The following MARCHF1 variants were observed in gnomAD, a reference collection of about 807,000 sequenced individuals.
MARCHF1 encodes membrane associated ring-CH-type finger 1.
MARCHF1 carries 40 observed loss-of-function variants against 54.2 expected under a neutral mutation model. The ratio of observed to expected loss-of-function variants is 0.74; its 90% confidence interval spans 0.57 to 0.96. MARCHF1 has a LOEUF of 0.96. Ranked by LOEUF, MARCHF1 falls within the 40% of genes least tolerant of loss-of-function variation. The probability of loss-of-function intolerance (pLI) is 0.00; values close to 1 mark genes in which losing one functional copy is unlikely to be tolerated. For synonymous variants in MARCHF1, 236 were observed against 236.3 expected, an observed-to-expected ratio of 1.00 and a Z score of 0.01; for missense variants, 586 against 656.5, an observed-to-expected ratio of 0.89 and a Z score of 1.17.
intron 1 of MARCHF1, among the ~76,000 whole-genome samples, chr4:164,193,377 C>T (rs993075544): frequency 3.3e-5 from 5 of 151,880 alleles, no homozygotes; most frequent in African/African-American, 7.3e-5. Flanking sequence ...TCTCAGGAGC[C>T]GAGAAGTTGA....
chr4:164,250,768 A>G (rs1370551843), intron 1 of MARCHF1, among the ~76,000 whole-genome samples: 4 of 152,174 alleles, frequency 2.6e-5, no homozygotes, highest in Non-Finnish European at 4.4e-5. Flanking sequence ...AGATATTTTA[A>G]CAACATTGCC....
At chr4:163,947,156 T>C (rs1370981484) in intron 3 of MARCHF1, among the ~76,000 whole-genome samples, 1 of 152,220 alleles carries the variant, frequency 6.6e-6, no homozygotes, top group African/African-American at 2.4e-5. Context: ...CAAATTTCAA[T>C]TTGAATTCAC....
At chr4:163,929,610 G>GTA (rs1751611746) in intron 3 of MARCHF1, among the ~76,000 whole-genome samples, 1 of 151,484 alleles carries the variant, frequency 6.6e-6, no homozygotes, top group African/African-American at 2.4e-5. Flanking sequence ...TGCTAACCAG[G>GTA]TATATATATC....
chr4:163,919,667 T>C (rs1398552971), intron 3 of MARCHF1, among the ~76,000 whole-genome samples: 2 of 152,198 alleles, frequency 1.3e-5, no homozygotes, highest in Middle Eastern at 3.5e-3. Context: ...CATTAATGAA[T>C]TGTACATAAT....
intron 9 of MARCHF1, among the ~76,000 whole-genome samples, chr4:163,543,888 T>G (rs1163423184): frequency 6.6e-6 from 1 of 152,128 alleles, no homozygotes; most frequent in African/African-American, 2.4e-5. Flanking sequence ...AGCTCTGCAG[T>G]TTACTACAAA....
intron 9 of MARCHF1, among the ~76,000 whole-genome samples, chr4:163,537,890 T>C (rs1443831258): frequency 1.3e-5 from 2 of 152,222 alleles, no homozygotes; most frequent in Non-Finnish European, 2.9e-5. Context: ...AGGACTCCTT[T>C]TTACAGTCAC....
intron 4 of MARCHF1, chr4:163,829,146 AATAT>A (rs1748943247): frequency 1.3e-5 from 2 of 152,168 alleles, no homozygotes; most frequent in Admixed American, 1.3e-4. Context: ...CTCAAAAATA[AATAT>A]ATATCTTTAA....
intron 2 of MARCHF1, among the ~76,000 whole-genome samples, chr4:164,027,772 A>G (rs1182055570): frequency 6.6e-6 from 1 of 152,076 alleles, no homozygotes; most frequent in Non-Finnish European, 1.5e-5. Context: ...GAGTTTCTGC[A>G]CTGCAAAATA....
At chr4:163,640,109 C>G (rs1742499844) in intron 5 of MARCHF1, among the ~76,000 whole-genome samples, 1 of 152,054 alleles carries the variant, frequency 6.6e-6, no homozygotes, top group African/African-American at 2.4e-5. Context: ...CCTGGATTTA[C>G]TAGGTTAGAT....
chr4:164,057,933 T>C (rs1262328405), intron 2 of MARCHF1, among the ~76,000 whole-genome samples: 2 of 152,172 alleles, frequency 1.3e-5, no homozygotes, highest in African/African-American at 4.8e-5. Flanking sequence ...CATGGAATAC[T>C]ATGTAGCCAT....
At chr4:163,728,367 A>G (rs963208045) in intron 4 of MARCHF1, among the ~76,000 whole-genome samples, 2 of 152,230 alleles carry the variant, frequency 1.3e-5, no homozygotes, top group African/African-American at 2.4e-5. Flanking sequence ...CAACTGGAGT[A>G]TATTTAAGCT....
chr4:163,867,323 A>T (rs560348871), intron 3 of MARCHF1, among the ~76,000 whole-genome samples: 2 of 152,100 alleles, frequency 1.3e-5, no homozygotes, highest in African/African-American at 4.8e-5. Flanking sequence ...ATTATCAGTT[A>T]TTCTTGCCAT....
intron 1 of MARCHF1, among the ~76,000 whole-genome samples, chr4:164,241,789 G>A (rs1732764155): frequency 6.6e-6 from 1 of 152,208 alleles, no homozygotes. Context: ...GCGAGCCGAA[G>A]CAGGGCGAGG....
chr4:163,738,497 G>A (rs754293107), intron 4 of MARCHF1, among the ~76,000 whole-genome samples: 2 of 152,244 alleles, frequency 1.3e-5, no homozygotes, highest in South Asian at 2.1e-4. Context: ...ACATTTTTAC[G>A]TAGTAAAACT....
intron 3 of MARCHF1, among the ~76,000 whole-genome samples, chr4:163,885,863 G>C (rs1055907080): frequency 2.7e-5 from 4 of 150,780 alleles, no homozygotes; most frequent in African/African-American, 7.3e-5. Flanking sequence ...CTGGAGCCCA[G>C]GAGTTTGAGA....
intron 1 of MARCHF1, among the ~76,000 whole-genome samples, chr4:164,218,678 C>T (rs2111141243): frequency 7.9e-6 from 1 of 126,508 alleles, no homozygotes; most frequent in South Asian, 2.5e-4. Context: ...GGAAGGGGAA[C>T]ATCACACACC....
At chr4:164,178,460 C>T (rs545366094) in intron 1 of MARCHF1, among the ~76,000 whole-genome samples, 1 of 152,268 alleles carries the variant, frequency 6.6e-6, no homozygotes, top group South Asian at 2.1e-4. Flanking sequence ...AAAAGTCAGG[C>T]TGGTTGCAGG....
intron 1 of MARCHF1, among the ~76,000 whole-genome samples, chr4:164,146,898 G>T (rs1437337836): frequency 6.7e-6 from 1 of 149,792 alleles, no homozygotes; most frequent in Non-Finnish European, 1.5e-5. Context: ...CCTACAAAAT[G>T]GGAGAAAATT....
At chr4:164,155,474 G>T (rs192818022) in intron 1 of MARCHF1, among the ~76,000 whole-genome samples, 2 of 152,290 alleles carry the variant, frequency 1.3e-5, no homozygotes, top group Admixed American at 1.3e-4. Context: ...TTCAAAGAAA[G>T]ATTTTGATGC....
Sources: gnomAD v4.1 joint callset for allele counts (sites outside exome capture counted in the v4.1 genomes callset) on GRCh38, gnomAD v4.1.1 for gene constraint, MANE v1.5 for transcripts, NCBI Gene and HGNC (gene_info 2026-07-23, HGNC 2026-07-21) for gene names.